The following PROS1 variants were observed in gnomAD, a reference collection of about 807,000 sequenced individuals.
The protein encoded by PROS1 is protein S.
In PROS1, 29 loss-of-function variants were observed where a neutral mutation model predicts 75.9. The observed-to-expected ratio is 0.38, with a 90% CI of 0.28 to 0.52. The LOEUF is 0.52. Ranked by LOEUF, PROS1 falls within the 20% of genes least tolerant of loss-of-function variation. The pLI is 0.83. For missense variants in PROS1, 680 were observed against 810.3 expected (o/e 0.84, Z 1.95); for synonymous variants, 245 against 280.6 (o/e 0.87, Z 1.27).
chr3:93,944,173 A>G (rs1192769184), intron 1 of PROS1, among the ~76,000 whole-genome samples: 1 of 150,088 alleles, frequency 6.7e-6, no homozygotes, highest in Non-Finnish European at 1.5e-5. Context: ...ATTTAGAAGA[A>G]AGACTAACAC....
At chr3:93,878,901 A>G (rs1169069599) in intron 13 of PROS1, among the ~76,000 whole-genome samples, 1 of 152,114 alleles carries the variant, frequency 6.6e-6, no homozygotes, top group Non-Finnish European at 1.5e-5. Flanking sequence ...GAGTCTGCCT[A>G]ATCTTAGGTA....
At chr3:93,934,137 G>A (rs1260962977) in intron 1 of PROS1, among the ~76,000 whole-genome samples, 16 of 151,008 alleles carry the variant, frequency 1.1e-4, no homozygotes, top group Admixed American at 5.3e-4. Context: ...CAGAGATTGC[G>A]CCACTGCACT....
rs1189875933 is a variant in PROS1, at chr3:93,953,765, T to C, written c.76+19909A>G. Among the ~76,000 whole-genome samples the C allele has an allele frequency of 2.0e-5, 3 of 152,206 alleles. No individual in the cohort carries two copies. In the East Asian group the frequency reaches 5.8e-4, roughly 29 times the overall value. ...GAGAAAGAAATAAATTGTATTCAAT[T>C]AGGAAAAGAGGAAGTCCAATTGCCC... On this transcript the variant is annotated intron_variant, in intron 1 of 14. Transcript: ENST00000394236.
intron 1 of PROS1, among the ~76,000 whole-genome samples, chr3:93,956,830 G>T (rs912819270): frequency 2.0e-5 from 3 of 152,044 alleles, no homozygotes; most frequent in Non-Finnish European, 4.4e-5. Context: ...TTAAAATGAA[G>T]TTAATGTCCA....
intron 1 of PROS1, among the ~76,000 whole-genome samples, chr3:93,940,634 C>A (rs1256595016): frequency 6.6e-6 from 1 of 152,086 alleles, no homozygotes; most frequent in Non-Finnish European, 1.5e-5. Context: ...CAACCCAAAG[C>A]CTCCTTCACA....
rs193115846 is a variant in PROS1 at position 93,902,557 on chromosome 3, A to C, written c.602-1628T>G. The stretch of plus-strand genomic sequence containing the variant: ...CACTTGAGCTCAGGCGTTCAAGACC[A>C]GCCTGGTCAACATGGCAAAACCCCG... On this transcript the variant is annotated intron_variant, in intron 6 of 14. Coordinates refer to ENST00000394236, the MANE Select transcript of PROS1 (RefSeq NM_000313.4). 1.2e-3 allele frequency among the ~76,000 whole-genome samples: 186 copies of C among 152,222 alleles called. 2 individuals are homozygous for C. The highest frequency in any genetic ancestry group is 4.1e-3 in the African/African-American group (172 of 41,548).
chr3:93,963,540 T>C (rs1406277225), intron 1 of PROS1, among the ~76,000 whole-genome samples: 2 of 152,128 alleles, frequency 1.3e-5, no homozygotes, highest in African/African-American at 4.8e-5. Flanking sequence ...GGGTGGATAA[T>C]TTATAAAGAA....
chr3:93,898,004 T>C (rs1314370302), intron 8 of PROS1, among the ~76,000 whole-genome samples: 2 of 152,058 alleles, frequency 1.3e-5, no homozygotes, highest in Non-Finnish European at 2.9e-5. Flanking sequence ...CCCTCTGAAA[T>C]TTTATGAGCA....
At chr3:93,927,889 A>G (rs1405987443) in intron 1 of PROS1, among the ~76,000 whole-genome samples, 73 of 140,858 alleles carry the variant, frequency 5.2e-4, no homozygotes, top group African/African-American at 1.8e-3. Context: ...GTATGTGTAT[A>G]TATATATATA....
intron 1 of PROS1, among the ~76,000 whole-genome samples, chr3:93,927,975 A>G (rs1362834231): frequency 1.5e-4 from 13 of 86,172 alleles, no homozygotes; most frequent in East Asian, 9.0e-4. Flanking sequence ...ATATGTGTGT[A>G]TATATATGTG....
At chr3:93,945,655 T>A (rs550092297) in intron 1 of PROS1, among the ~76,000 whole-genome samples, 1 of 152,308 alleles carries the variant, frequency 6.6e-6, no homozygotes, top group East Asian at 1.9e-4. Context: ...TGATGGGACG[T>A]ATCTCAAAAT....
chr3:93,898,575 G>GT lies in PROS1; in HGVS notation c.728-7dup. The GT allele has an allele frequency of 1.2e-6, 2 of 1,611,368 alleles. No homozygotes were observed. Among genetic ancestry groups the GT allele is most frequent in the South Asian group, 1.1e-5 (1 of 91,022 alleles). On this transcript the variant is annotated splice_polypyrimidine_tract_variant and splice_region_variant and intron_variant, in intron 7 of 14. Coordinates refer to ENST00000394236, the MANE Select transcript of PROS1 (RefSeq NM_000313.4). ...CTCAGAGCATTCATCTATATCTGAG[G>GT]TAAAAAAAACACACGCACACAAACT...
At chr3:93,902,693 C>T (rs1708613774) in intron 6 of PROS1, among the ~76,000 whole-genome samples, 1 of 151,098 alleles carries the variant, frequency 6.6e-6, no homozygotes. Context: ...ACAGAGGTTG[C>T]AGTGAGCCGA....
intron 1 of PROS1, among the ~76,000 whole-genome samples, chr3:93,946,465 C>T (rs1709401504): frequency 2.0e-5 from 3 of 152,168 alleles, no homozygotes; most frequent in South Asian, 4.1e-4. Context: ...GAGATATAGA[C>T]CAATGGAACA....
intron 10 of PROS1, among the ~76,000 whole-genome samples, chr3:93,889,473 TCAC>T (rs771931793): frequency 6.6e-6 from 1 of 152,212 alleles, no homozygotes; most frequent in Non-Finnish European, 1.5e-5. Context: ...ATTTATAAAT[TCAC>T]CACGTTTGCC....
chr3:93,938,385 AG>A (rs555664023), intron 1 of PROS1, among the ~76,000 whole-genome samples: 1 of 152,160 alleles, frequency 6.6e-6, no homozygotes, highest in Non-Finnish European at 1.5e-5. Context: ...GTGATTAAAA[AG>A]CTTTATTGCT....
Position 93,893,968 on chromosome 3 carries a change from C to T in PROS1, c.966-846G>A, listed in dbSNP as rs1218075081. Among the ~76,000 whole-genome samples the T allele has an allele frequency of 2.0e-5, 3 of 152,052 alleles. No homozygotes were observed. In the East Asian group the frequency reaches 5.8e-4, roughly 29 times the overall value. On this transcript the variant is annotated intron_variant, in intron 9 of 14. Transcript: ENST00000394236. ...AAAATAACATGTGTTGATTCAGTAT[C>T]CTTAAAACACTTCAATGAGAATCAG... is the stretch of plus-strand genomic sequence containing the variant.
At chr3:93,907,743 C>T (rs982894094) in intron 4 of PROS1, among the ~76,000 whole-genome samples, 1 of 152,230 alleles carries the variant, frequency 6.6e-6, no homozygotes, top group African/African-American at 2.4e-5. Context: ...CATAACACTA[C>T]TTCTGGATTG....
chr3:93,892,492 C>T (rs371704904), intron 10 of PROS1, among the ~76,000 whole-genome samples: 36 of 151,052 alleles, frequency 2.4e-4, no homozygotes, highest in East Asian at 2.0e-3. Context: ...GGCATGGTGG[C>T]GCATGCCTGT....
Sources: gnomAD v4.1 joint callset for allele counts (sites outside exome capture counted in the v4.1 genomes callset) on GRCh38, gnomAD v4.1.1 for gene constraint, MANE v1.5 for transcripts, NCBI Gene and HGNC (gene_info 2026-07-23, HGNC 2026-07-21) for gene names.